Variants in GRM8 observed in about 807,000 individuals in gnomAD.
GRM8 encodes glutamate metabotropic receptor 8.
GRM8 carries 47 observed loss-of-function variants against 87.2 expected under a neutral mutation model. The observed-to-expected ratio is 0.54, with a 90% CI of 0.43 to 0.69. GRM8 has a LOEUF of 0.69. GRM8 is among the 30% of genes least tolerant of loss of function. The pLI, the probability that GRM8 is intolerant of heterozygous loss-of-function variation, is 0.00. For synonymous variants in GRM8, 396 were observed against 404.5 expected (o/e 0.98, Z 0.25); for missense variants, 1,019 against 1,139.2 (o/e 0.89, Z 1.52).
intron 3 of GRM8, among the ~76,000 whole-genome samples, chr7:127,001,156 T>C (rs957991178): frequency 4.6e-5 from 7 of 151,586 alleles, no homozygotes; most frequent in African/African-American, 1.4e-4. Context: ...CAAGATAATT[T>C]AATAGGAAGA....
At chr7:127,166,150 A>G (rs1001585985) in intron 2 of GRM8, among the ~76,000 whole-genome samples, 1 of 152,176 alleles carries the variant, frequency 6.6e-6, no homozygotes, top group African/African-American at 2.4e-5. Flanking sequence ...ACCCACCTCT[A>G]GCTATATAAA....
In GRM8 at chr7:127,054,899, T is replaced by TA. The variant is rs34037665; in HGVS notation, c.727+51596dup. ...ATAATAATTCTCAAGTGCAGAATGC[T>TA]AAAAAAAAAAAATAGTTGGCAGCTA... On this transcript the variant is annotated intron_variant, in intron 3 of 10. Coordinates refer to ENST00000339582, the MANE Select transcript of GRM8 (RefSeq NM_000845.3). Among the ~76,000 whole-genome samples the TA allele has an allele frequency of 3.7e-3, 542 of 146,966 alleles. 1 individual carries two copies. The highest frequency in any genetic ancestry group is 0.014 in the Middle Eastern group (4 of 286).
intron 7 of GRM8, among the ~76,000 whole-genome samples, chr7:126,698,112 C>A (rs1226508297): frequency 6.6e-6 from 1 of 152,132 alleles, no homozygotes; most frequent in Non-Finnish European, 1.5e-5. Context: ...GAGAACTACT[C>A]TTAAACATGC....
chr7:126,464,029 CT>C (rs1486723446), intron 9 of GRM8, among the ~76,000 whole-genome samples: 1 of 151,580 alleles, frequency 6.6e-6, no homozygotes, highest in Non-Finnish European at 1.5e-5. Context: ...AGCTGAATTG[CT>C]TTTCCTATAA....
intron 6 of GRM8, among the ~76,000 whole-genome samples, chr7:126,889,723 A>G (rs1326594202): frequency 6.6e-6 from 1 of 152,118 alleles, no homozygotes; most frequent in African/African-American, 2.4e-5. Context: ...GCTGGTACTT[A>G]GGAAACCTGT....
chr7:126,732,421 T>C (rs1277340550), intron 7 of GRM8, among the ~76,000 whole-genome samples: 2 of 152,272 alleles, frequency 1.3e-5, no homozygotes, highest in East Asian at 1.9e-4. Context: ...GAATTTTGCA[T>C]CTTGTGTGAA....
intron 9 of GRM8, among the ~76,000 whole-genome samples, chr7:126,451,549 T>C (rs1158662226): frequency 6.6e-6 from 1 of 151,710 alleles, no homozygotes; most frequent in African/African-American, 2.4e-5. Flanking sequence ...ACACAGAAGC[T>C]AGAATAATCC....
chr7:126,567,734 C>G (rs17149978), intron 8 of GRM8, among the ~76,000 whole-genome samples: 27,590 of 152,036 alleles, frequency 0.18, 2,578 homozygotes, highest in South Asian at 0.23. Flanking sequence ...AACTTGGTCT[C>G]ATGTATAAAT....
At chr7:126,614,160 G>A (rs1196680606) in intron 7 of GRM8, among the ~76,000 whole-genome samples, 1 of 152,116 alleles carries the variant, frequency 6.6e-6, no homozygotes, top group East Asian at 1.9e-4. Context: ...ACACGGCCGG[G>A]TACCCTTCTG....
At chr7:127,150,703 C>T (rs1490445384) in intron 2 of GRM8, among the ~76,000 whole-genome samples, 1 of 152,050 alleles carries the variant, frequency 6.6e-6, no homozygotes, top group Non-Finnish European at 1.5e-5. Context: ...AAATGAATCC[C>T]ACTCCCAGTT....
chr7:126,949,398 A>T (rs1200763149), intron 3 of GRM8, among the ~76,000 whole-genome samples: 4 of 152,238 alleles, frequency 2.6e-5, no homozygotes, highest in Non-Finnish European at 4.4e-5. Flanking sequence ...AAAATATCAG[A>T]TCTACCCTTG....
chr7:126,580,546 C>T (rs1365843812), intron 8 of GRM8, among the ~76,000 whole-genome samples: 1 of 152,156 alleles, frequency 6.6e-6, no homozygotes, highest in Non-Finnish European at 1.5e-5. Context: ...TCCAATCAGT[C>T]ATCAACTTCT....
chr7:127,106,891 A>C (rs1292666121), intron 2 of GRM8, among the ~76,000 whole-genome samples, 179 bp from the exon 3 acceptor site: 2 of 152,240 alleles, frequency 1.3e-5, no homozygotes, highest in Non-Finnish European at 2.9e-5. Flanking sequence ...CCATAGGCTT[A>C]CTTTCTCTCA....
chr7:126,616,766 G>A (rs913758980), intron 7 of GRM8, among the ~76,000 whole-genome samples: 4 of 152,112 alleles, frequency 2.6e-5, no homozygotes, highest in Non-Finnish European at 5.9e-5. Context: ...AAATAAACTA[G>A]AAAATCTAGA....
intron 2 of GRM8, among the ~76,000 whole-genome samples, chr7:127,208,771 G>T (rs1379966961): frequency 6.6e-6 from 1 of 152,052 alleles, no homozygotes; most frequent in Non-Finnish European, 1.5e-5. Context: ...ATGTGATCTA[G>T]CATTACCAGT....
At chr7:126,960,189 G>GA (rs1322247523) in intron 3 of GRM8, among the ~76,000 whole-genome samples, 1 of 151,532 alleles carries the variant, frequency 6.6e-6, no homozygotes, top group Non-Finnish European at 1.5e-5. Context: ...AGTGGTGAGG[G>GA]AAAAAAAAGA....
At chr7:126,859,234 T>C (rs759434117) in intron 6 of GRM8, among the ~76,000 whole-genome samples, 7 of 152,100 alleles carry the variant, frequency 4.6e-5, no homozygotes, top group Non-Finnish European at 7.3e-5. Flanking sequence ...TGGCACACAG[T>C]AGGTTTTTCA....
At chr7:126,509,504 G>A (rs1811008949) in intron 9 of GRM8, among the ~76,000 whole-genome samples, 1 of 152,054 alleles carries the variant, frequency 6.6e-6, no homozygotes, top group Non-Finnish European at 1.5e-5. Context: ...CAAATACACT[G>A]TAGAAAGCAC....
At position 126,715,126 on chromosome 7, in the gene GRM8, C is replaced by T. The variant is rs73449083; in HGVS notation, c.1357+54739G>A. 9.7e-3 allele frequency among the ~76,000 whole-genome samples: 1,474 copies of T among 152,144 alleles called. 29 individuals are homozygous for T. Among genetic ancestry groups the T allele is most frequent in the African/African-American group, 0.034 (1,390 of 41,484 alleles). Reference sequence around the variant, plus strand: ...TTACTACTGGCACTTTGTATGGGTCCCATGGTGCTTTCAAGGTTTACAGTA... The same window carrying T: ...TTACTACTGGCACTTTGTATGGGTCTCATGGTGCTTTCAAGGTTTACAGTA... On this transcript the variant is annotated intron_variant, in intron 7 of 10. Transcript: ENST00000339582.
Sources: allele counts gnomAD v4.1 joint callset (sites outside exome capture counted in the v4.1 genomes callset), GRCh38; gene constraint gnomAD v4.1.1; transcripts MANE v1.5; gene names NCBI Gene and HGNC (gene_info 2026-07-23, HGNC 2026-07-21).